The following PCDH9 variants were observed in gnomAD, a reference collection of about 807,000 sequenced individuals.
The protein encoded by PCDH9 is protocadherin-9.
A neutral mutation model predicts 70.6 loss-of-function variants in PCDH9; 24 were observed. That is an observed-to-expected ratio of 0.34 (90% CI 0.25 to 0.48). The LOEUF (loss-of-function observed/expected upper bound fraction) is 0.48. Among genes scored for constraint, PCDH9 ranks in the 20% least tolerant of loss-of-function variants. PCDH9 has a pLI of 0.99. For synonymous variants in PCDH9, 562 were observed against 558.5 expected (o/e 1.01, Z -0.09); for missense variants, 1,281 against 1,503.6 (o/e 0.85, Z 2.45).
At chr13:66,765,084 CTCTCTCTCTCTCTGTA>C (rs2079693319) in intron 3 of PCDH9, among the ~76,000 whole-genome samples, 1 of 151,228 alleles carries the variant, frequency 6.6e-6, no homozygotes, top group South Asian at 2.1e-4. Flanking sequence ...CTGTCTGTCT[CTCTCTCTCTCTCTGTA>C]TCTTTCTCTC....
chr13:67,168,803 A>G (rs536192507), intron 2 of PCDH9, among the ~76,000 whole-genome samples: 3 of 152,318 alleles, frequency 2.0e-5, no homozygotes, highest in African/African-American at 7.2e-5. Flanking sequence ...ATCAATTACA[A>G]TCATTTAATG....
At chr13:66,922,784 T>C (rs1342127084) in intron 2 of PCDH9, among the ~76,000 whole-genome samples, 1 of 151,520 alleles carries the variant, frequency 6.6e-6, no homozygotes, top group Admixed American at 6.6e-5. Flanking sequence ...GAGTTAAGTT[T>C]TTCTTCAGAT....
chr13:67,208,673 A>T (rs947231225), intron 2 of PCDH9: 1 of 152,056 alleles, frequency 6.6e-6, no homozygotes, highest in East Asian at 1.9e-4. Flanking sequence ...GAATTGGCTG[A>T]AAAAAAATGT....
At chr13:66,357,441 C>T (rs1160108163) in intron 4 of PCDH9, among the ~76,000 whole-genome samples, 2 of 152,036 alleles carry the variant, frequency 1.3e-5, no homozygotes, top group Admixed American at 6.6e-5. Flanking sequence ...GTAGGGAGTG[C>T]ATTGCCTACA....
chr13:66,802,064 T>C (rs1566203651), intron 3 of PCDH9, among the ~76,000 whole-genome samples: 1 of 152,004 alleles, frequency 6.6e-6, no homozygotes, highest in East Asian at 1.9e-4. Flanking sequence ...GGAGGAAATA[T>C]AACTAAATGG....
chr13:66,371,941 G>A (rs1194988399), intron 4 of PCDH9, among the ~76,000 whole-genome samples: 1 of 152,006 alleles, frequency 6.6e-6, no homozygotes. Flanking sequence ...TCAACTACAA[G>A]CCCTGCTTGA....
rs150563696 is a variant in PCDH9, at chr13:66,556,754, G to A, written c.3340+74456C>T. Reference sequence around the variant, plus strand: ...TTTTTACTTAAAACTATATTGTGGCGAATACTCAGGCTATAGCTGTTTGGT... The same window carrying A: ...TTTTTACTTAAAACTATATTGTGGCAAATACTCAGGCTATAGCTGTTTGGT... On this transcript the variant is annotated intron_variant, in intron 4 of 4. Transcript: ENST00000377865. Among the ~76,000 whole-genome samples the A allele has an allele frequency of 1.6e-4, 25 of 152,078 alleles. 2 individuals carry two copies. The highest frequency in any genetic ancestry group is 4.1e-4 in the African/African-American group (17 of 41,490).
chr13:67,039,414 G>A (rs1390501911), intron 2 of PCDH9, among the ~76,000 whole-genome samples: 1 of 152,082 alleles, frequency 6.6e-6, no homozygotes, highest in Non-Finnish European at 1.5e-5. Context: ...GTCAGATCCT[G>A]GCTTCCAGCA....
intron 3 of PCDH9, among the ~76,000 whole-genome samples, chr13:66,874,940 T>TGA (rs1459973981): frequency 9.3e-5 from 13 of 140,538 alleles, no homozygotes; most frequent in African/African-American, 3.1e-4. Flanking sequence ...TGTGTGTGTG[T>TGA]GTGAGAGAGA....
chr13:67,122,966 A>T (rs867164334), intron 2 of PCDH9, among the ~76,000 whole-genome samples: 1 of 152,112 alleles, frequency 6.6e-6, no homozygotes, highest in South Asian at 2.1e-4. Flanking sequence ...AGTGACACAG[A>T]CATTGAAAAT....
intron 3 of PCDH9, among the ~76,000 whole-genome samples, chr13:66,806,024 C>G (rs907061194): frequency 6.8e-6 from 1 of 147,488 alleles, no homozygotes; most frequent in African/African-American, 2.7e-5. Context: ...TTTATGCACA[C>G]AAAATATATA....
At chr13:66,897,510 A>G (rs1419135255) in intron 3 of PCDH9, among the ~76,000 whole-genome samples, 1 of 152,132 alleles carries the variant, frequency 6.6e-6, no homozygotes, top group Non-Finnish European at 1.5e-5. Flanking sequence ...GACATGTAGT[A>G]GAGGGTTGAT....
intron 3 of PCDH9, among the ~76,000 whole-genome samples, chr13:66,814,931 A>AT (rs2080574869): frequency 6.6e-6 from 1 of 152,090 alleles, no homozygotes; most frequent in African/African-American, 2.4e-5. Flanking sequence ...AAATAAAGAG[A>AT]TTTTACATAG....
chr13:66,331,378 C>T (rs1263973849), intron 4 of PCDH9, among the ~76,000 whole-genome samples: 1 of 152,060 alleles, frequency 6.6e-6, no homozygotes, highest in Non-Finnish European at 1.5e-5. Context: ...TATGGGAGCC[C>T]TCTGGCCCCG....
At chr13:66,727,603 T>G (rs1851307797) in intron 3 of PCDH9, among the ~76,000 whole-genome samples, 1 of 152,106 alleles carries the variant, frequency 6.6e-6, no homozygotes. Flanking sequence ...TGTGTGTGCC[T>G]ATTATGGACG....
chr13:67,154,703 ATCTTT>A (rs2087764374), intron 2 of PCDH9, among the ~76,000 whole-genome samples: 1 of 136,574 alleles, frequency 7.3e-6, no homozygotes, highest in African/African-American at 2.7e-5. Flanking sequence ...TTGATCTGTA[ATCTTT>A]TTTTTTTTTT....
At chr13:66,517,091 A>G (rs1959771602) in intron 4 of PCDH9, among the ~76,000 whole-genome samples, 1 of 152,136 alleles carries the variant, frequency 6.6e-6, no homozygotes, top group Non-Finnish European at 1.5e-5. Flanking sequence ...GTAGACAAGA[A>G]GTTTGCCCAC....
intron 2 of PCDH9, among the ~76,000 whole-genome samples, chr13:67,149,977 A>T (rs114728366): frequency 0.011 from 1,685 of 152,318 alleles, 26 homozygotes; most frequent in African/African-American, 0.038. Flanking sequence ...AAGTCTTTTC[A>T]GGTCATATGT....
chr13:66,412,957 A>G (rs1210491089), intron 4 of PCDH9, among the ~76,000 whole-genome samples: 1 of 152,222 alleles, frequency 6.6e-6, no homozygotes, highest in African/African-American at 2.4e-5. Flanking sequence ...CCGCTCCTAT[A>G]TATGAATAGA....
Sources: allele counts gnomAD v4.1 joint callset (sites outside exome capture counted in the v4.1 genomes callset), GRCh38; gene constraint gnomAD v4.1.1; transcripts MANE v1.5; gene names NCBI Gene and HGNC (gene_info 2026-07-23, HGNC 2026-07-21).